The following ERICH1 variants were observed in gnomAD, a reference collection of about 807,000 sequenced individuals.
ERICH1 encodes the protein glutamate-rich protein 1.
Under a neutral mutation model 39.6 loss-of-function variants are expected in ERICH1, and 56 were observed. The ratio of observed to expected loss-of-function variants is 1.41; its 90% confidence interval spans 1.14 to 1.77. ERICH1 has a LOEUF of 1.77. Ranked by LOEUF, ERICH1 falls within the 40% of genes most tolerant of loss-of-function variation. The pLI, the probability that ERICH1 is intolerant of heterozygous loss-of-function variation, is 0.00. For missense variants in ERICH1, 826 were observed against 575.4 expected, an observed-to-expected ratio of 1.44 and a Z score of -4.45; for synonymous variants, 313 against 223.6, an observed-to-expected ratio of 1.40 and a Z score of -3.57.
intron 3 of ERICH1, among the ~76,000 whole-genome samples, chr8:682,223 T>C (rs34507435): frequency 6.6e-6 from 1 of 152,102 alleles, no homozygotes. Flanking sequence ...AGTCACAACC[T>C]CCCAGCTTCT....
chr8:721,788 G>A (rs922745256), intron 1 of ERICH1, among the ~76,000 whole-genome samples: 1 of 152,202 alleles, frequency 6.6e-6, no homozygotes, highest in Non-Finnish European at 1.5e-5. Context: ...AGAATAACCA[G>A]GACACAGTGA....
At chr8:698,853 C>G (rs896259880) in intron 2 of ERICH1, among the ~76,000 whole-genome samples, 17 of 151,720 alleles carry the variant, frequency 1.1e-4, no homozygotes, top group African/African-American at 3.9e-4. Context: ...CTCCGTCCTC[C>G]TCAGGTAGGA....
chr8:655,207 AAC>A (rs1412729307), intron 3 of ERICH1, among the ~76,000 whole-genome samples: 1 of 152,198 alleles, frequency 6.6e-6, no homozygotes, highest in Non-Finnish European at 1.5e-5. Context: ...TCGCCTTTCT[AAC>A]AGCAAGGACT....
At chr8:658,619 A>T (rs1800976641) in intron 3 of ERICH1, among the ~76,000 whole-genome samples, 5 of 152,154 alleles carry the variant, frequency 3.3e-5, no homozygotes. Context: ...TTTGGAGACA[A>T]GACCTTAGGG....
chr8:620,350 A>T (rs909948403), intron 3 of ERICH1, among the ~76,000 whole-genome samples: 1 of 152,160 alleles, frequency 6.6e-6, no homozygotes, highest in Non-Finnish European at 1.5e-5. Context: ...AACAAAAAGC[A>T]TAATGTTAGA....
chr8:726,677 A>G (rs1489360852), intron 1 of ERICH1, among the ~76,000 whole-genome samples: 1 of 142,128 alleles, frequency 7.0e-6, no homozygotes, highest in Non-Finnish European at 1.5e-5. Context: ...AGACGTGTAC[A>G]CAGGCACATC....
intron 3 of ERICH1, among the ~76,000 whole-genome samples, chr8:677,564 G>A (rs866353544): frequency 6.6e-6 from 1 of 152,168 alleles, no homozygotes. Context: ...CCACTGCGCA[G>A]GTCTGACCAA....
At chr8:702,424 CCT>C (rs1190712947) in intron 2 of ERICH1, among the ~76,000 whole-genome samples, 1 of 152,126 alleles carries the variant, frequency 6.6e-6, no homozygotes, top group Non-Finnish European at 1.5e-5. Flanking sequence ...ACAACCAGCA[CCT>C]CTCTAGGCAC....
intron 3 of ERICH1, among the ~76,000 whole-genome samples, chr8:636,774 C>A (rs958818770): frequency 6.6e-6 from 1 of 152,252 alleles, no homozygotes; most frequent in Non-Finnish European, 1.5e-5. Context: ...AGGCCCCAGA[C>A]GTGCTCCCCT....
intron 5 of ERICH1, among the ~76,000 whole-genome samples, chr8:665,438 C>T (rs1802056916): frequency 6.6e-6 from 1 of 152,244 alleles, no homozygotes; most frequent in Admixed American, 6.5e-5. Flanking sequence ...CTGGAATCTA[C>T]TGCTTCTGAA....
chr8:636,247 A>G (rs1272034770), intron 3 of ERICH1, among the ~76,000 whole-genome samples: 6 of 152,298 alleles, frequency 3.9e-5, no homozygotes, highest in Admixed American at 2.0e-4. Context: ...CTGGGCGTTC[A>G]CAGCCTCCCT....
At chr8:716,060 T>A (rs549768104) in intron 1 of ERICH1, 53 bp from the exon 2 acceptor site, 2 of 1,539,372 alleles carry the variant, frequency 1.3e-6, no homozygotes, top group East Asian at 4.6e-5. Context: ...AATTATGCAG[T>A]TTATCTGAAT....
At chr8:686,586 G>C (rs1186563848) in intron 3 of ERICH1, 1 of 152,218 alleles carries the variant, frequency 6.6e-6, no homozygotes, top group African/African-American at 2.4e-5. Context: ...ATTAAGTCCG[G>C]GAAGAATCCA....
intron 3 of ERICH1, among the ~76,000 whole-genome samples, chr8:657,865 C>T (rs1437216319): frequency 6.6e-6 from 1 of 152,062 alleles, no homozygotes; most frequent in Non-Finnish European, 1.5e-5. Context: ...GTGAAAGGGC[C>T]ATGAACACGA....
At chr8:700,117 A>G (rs1478888932) in intron 2 of ERICH1, among the ~76,000 whole-genome samples, 75 of 115,636 alleles carry the variant, frequency 6.5e-4, no homozygotes, top group African/African-American at 1.9e-3. Context: ...ACGCGCACAC[A>G]CCCTCACAGG....
intron 3 of ERICH1, among the ~76,000 whole-genome samples, chr8:680,902 G>T (rs1287397806): frequency 6.6e-6 from 1 of 152,224 alleles, no homozygotes; most frequent in African/African-American, 2.4e-5. Flanking sequence ...GGGCTTCCTG[G>T]ACAGGGCAGA....
intron 1 of ERICH1, among the ~76,000 whole-genome samples, chr8:723,308 G>T (rs1015362472): frequency 6.6e-6 from 1 of 152,170 alleles, no homozygotes; most frequent in African/African-American, 2.4e-5. Flanking sequence ...CCCGGCCTCC[G>T]ACATTCCTTT....
At chr8:712,965 C>A (rs1424133795) in intron 2 of ERICH1, among the ~76,000 whole-genome samples, 2 of 152,254 alleles carry the variant, frequency 1.3e-5, no homozygotes, top group Non-Finnish European at 2.9e-5. Context: ...CAAAGCCCCA[C>A]AGACTGGGCG....
chr8:649,779 GAC>G (rs1406778453), intron 3 of ERICH1, among the ~76,000 whole-genome samples: 1 of 152,226 alleles, frequency 6.6e-6, no homozygotes, highest in Admixed American at 6.5e-5. Context: ...TCCACGTGGA[GAC>G]AGAGCAGCCG....
Sources: allele counts gnomAD v4.1 joint callset (sites outside exome capture counted in the v4.1 genomes callset), GRCh38; gene constraint gnomAD v4.1.1; transcripts MANE v1.5; gene names NCBI Gene and HGNC (gene_info 2026-07-23, HGNC 2026-07-21).